Variants in ADAM23 observed in about 807,000 individuals in gnomAD.
The protein encoded by ADAM23 is ADAM metallopeptidase domain 23, also known as disintegrin and metalloproteinase domain-containing protein 23.
A neutral mutation model predicts 120.1 loss-of-function variants in ADAM23; 33 were observed. The ratio of observed to expected loss-of-function variants is 0.27; its 90% CI spans 0.21 to 0.37. The LOEUF (loss-of-function observed/expected upper bound fraction) is 0.37, where lower values mean the gene tolerates loss of function less well. ADAM23 is among the 10% of genes least tolerant of loss of function. The pLI is 1.00. For synonymous variants in ADAM23, 367 were observed against 375.2 expected (o/e 0.98, Z 0.25); for missense variants, 862 against 1,058.2 (o/e 0.81, Z 2.57).
intron 17 of ADAM23, among the ~76,000 whole-genome samples, chr2:206,572,084 T>C (rs760521680): frequency 2.6e-5 from 4 of 152,206 alleles, no homozygotes; most frequent in Non-Finnish European, 4.4e-5. Flanking sequence ...CCTACTAACA[T>C]AGATGAAATC....
intron 9 of ADAM23, among the ~76,000 whole-genome samples, chr2:206,552,334 A>T (rs1460775627): frequency 1.3e-5 from 2 of 152,178 alleles, no homozygotes; most frequent in Non-Finnish European, 2.9e-5. Flanking sequence ...GAAGCTATCA[A>T]TCAAAAGAGC....
intron 9 of ADAM23, among the ~76,000 whole-genome samples, chr2:206,552,531 ATTATT>A (rs1697551382): frequency 6.6e-6 from 1 of 152,156 alleles, no homozygotes; most frequent in Non-Finnish European, 1.5e-5. Flanking sequence ...TTCTTAAAAT[ATTATT>A]TTATATGTAG....
chr2:206,563,356 T>C (rs1227128571), intron 13 of ADAM23, among the ~76,000 whole-genome samples: 2 of 152,126 alleles, frequency 1.3e-5, no homozygotes, highest in Non-Finnish European at 2.9e-5. Context: ...TTGTGGAAAA[T>C]TGAAACAAAT....
At position 206,508,068 on chromosome 2, in the gene ADAM23, T is replaced by C. The variant is rs145851235; in HGVS notation, c.510-22817T>C. On this transcript the variant is annotated intron_variant, in intron 3 of 25. Transcript: ENST00000264377. ...TTTTTGAGACGGAGTCTCGCTCTGTTTCCCAGGCTGGAGTGCAGTGGCGCA... is the reference window on the plus strand; with the variant it reads ...TTTTTGAGACGGAGTCTCGCTCTGTCTCCCAGGCTGGAGTGCAGTGGCGCA... Among the ~76,000 whole-genome samples, 50 of 152,040 alleles carry C rather than the reference T, an allele frequency of 3.3e-4. No homozygotes were observed. The East Asian group carries it at 8.5e-3, about 26-fold the overall frequency.
chr2:206,467,490 C>A (rs1359504474), intron 2 of ADAM23, among the ~76,000 whole-genome samples: 1 of 152,240 alleles, frequency 6.6e-6, no homozygotes, highest in Non-Finnish European at 1.5e-5. Context: ...CTGCATGTCT[C>A]CCATCCAGGG....
rs750038078 is a variant in ADAM23, at chr2:206,617,608, C to T, written c.2480C>T (p.Thr827Ile). The T allele has an allele frequency of 6.2e-7, 1 of 1,612,576 alleles. No individual in the cohort carries two copies. The stretch of plus-strand genomic sequence containing the variant: ...GTCAAGAAGAGAAGGTTCGATCCTA[C>T]TCAGCAAGGCCCCATCTGAATCAGC... ...KNVKKRRFDPTQQGPI is the reference protein window; with the variant it reads ...KNVKKRRFDPIQQGPI Residue 827 changes from threonine (T) to isoleucine (I), a missense_variant, in exon 26 of 26, where the codon ACT becomes ATT. By Grantham distance (89) the Thr-to-Ile change is moderately conservative (BLOSUM62 -1). Coordinates refer to ENST00000264377, the MANE Select transcript of ADAM23 (RefSeq NM_003812.4).
At chr2:206,523,999 G>A (rs1223759096) in intron 3 of ADAM23, among the ~76,000 whole-genome samples, 1 of 152,080 alleles carries the variant, frequency 6.6e-6, no homozygotes, top group Admixed American at 6.6e-5. Context: ...AATGAAATGT[G>A]TACCTGGAAG....
intron 3 of ADAM23, among the ~76,000 whole-genome samples, chr2:206,526,661 G>A (rs1696953810): frequency 6.6e-6 from 1 of 152,110 alleles, no homozygotes; most frequent in Non-Finnish European, 1.5e-5. Context: ...CATTGTCTTG[G>A]CCCTAACCTA....
intron 4 of ADAM23, among the ~76,000 whole-genome samples, chr2:206,539,697 T>G (rs552530190): frequency 2.6e-5 from 4 of 152,296 alleles, no homozygotes; most frequent in Non-Finnish European, 5.9e-5. Flanking sequence ...ACTGGCCCAC[T>G]TCTGTTATGC....
At chr2:206,497,637 G>T (rs1250060977) in intron 3 of ADAM23, among the ~76,000 whole-genome samples, 4 of 152,004 alleles carry the variant, frequency 2.6e-5, no homozygotes, top group African/African-American at 4.8e-5. Context: ...AACATAGTGT[G>T]GGAAGTTCTG....
intron 2 of ADAM23, among the ~76,000 whole-genome samples, chr2:206,459,175 T>C (rs1405147869): frequency 1.3e-5 from 2 of 152,212 alleles, no homozygotes; most frequent in Non-Finnish European, 2.9e-5. Context: ...TAGACTGTAG[T>C]TAGAAGCATT....
chr2:206,565,369 A>G (rs1697856919), intron 14 of ADAM23, among the ~76,000 whole-genome samples: 1 of 152,222 alleles, frequency 6.6e-6, no homozygotes, highest in Non-Finnish European at 1.5e-5. Flanking sequence ...CACTTAGATT[A>G]AAAGTTGGTT....
chr2:206,560,175 C>T (rs970431519), intron 11 of ADAM23, 57 bp downstream of exon 11: 12 of 1,520,780 alleles, frequency 7.9e-6, no homozygotes, highest in South Asian at 1.3e-5. Flanking sequence ...ATCCTTATCC[C>T]TTTTTTGGTT....
intron 2 of ADAM23, among the ~76,000 whole-genome samples, chr2:206,477,897 A>AAAAATATAT (rs374524658): frequency 5.3e-5 from 5 of 93,602 alleles, no homozygotes; most frequent in African/African-American, 2.6e-4. Context: ...AAAAAAAAAA[A>AAAAATATAT]ATATATATAT....
intron 18 of ADAM23, among the ~76,000 whole-genome samples, chr2:206,583,435 A>C (rs1404572572): frequency 2.6e-5 from 4 of 151,684 alleles, no homozygotes; most frequent in Non-Finnish European, 4.4e-5. Flanking sequence ...GCCTGGGCGA[A>C]AGAGCGAGAC....
chr2:206,581,237 T>A (rs527332085), intron 18 of ADAM23, among the ~76,000 whole-genome samples: 6 of 152,336 alleles, frequency 3.9e-5, no homozygotes, highest in Non-Finnish European at 1.5e-5. Context: ...TCTGTGCTGA[T>A]CTCGGCTGTT....
chr2:206,544,097 C>T (rs982045197), intron 6 of ADAM23, among the ~76,000 whole-genome samples: 3 of 152,152 alleles, frequency 2.0e-5, no homozygotes, highest in African/African-American at 4.8e-5. Flanking sequence ...CCCAACACCA[C>T]CTGTTCCCCA....
At chr2:206,475,568 G>C (rs1475570913) in intron 2 of ADAM23, among the ~76,000 whole-genome samples, 1 of 151,056 alleles carries the variant, frequency 6.6e-6, no homozygotes, top group Non-Finnish European at 1.5e-5. Flanking sequence ...TGTGCCTACT[G>C]TTTTCGTATG....
intron 15 of ADAM23, among the ~76,000 whole-genome samples, chr2:206,568,661 T>G (rs528201345): frequency 6.6e-6 from 1 of 152,326 alleles, no homozygotes; most frequent in South Asian, 2.1e-4. Flanking sequence ...AAAGATAGGA[T>G]CAATGCTAAT....
Sources: allele counts gnomAD v4.1 joint callset (sites outside exome capture counted in the v4.1 genomes callset), GRCh38; gene constraint gnomAD v4.1.1; transcripts MANE v1.5; gene names NCBI Gene and HGNC (gene_info 2026-07-23, HGNC 2026-07-21).